CNGA1: variants seen among roughly 807,000 people sequenced by gnomAD.
The protein encoded by CNGA1 is cyclic nucleotide-gated channel alpha-1.
A neutral mutation model predicts 69.7 loss-of-function variants in CNGA1; 53 were observed. The observed-to-expected ratio is 0.76, with a 90% CI of 0.61 to 0.96. The LOEUF is 0.96. Ranked by LOEUF, CNGA1 falls within the 40% of genes least tolerant of loss-of-function variation. The pLI, the probability that CNGA1 is intolerant of heterozygous loss-of-function variation, is 0.00. For missense variants in CNGA1, 739 were observed against 811.2 expected, an observed-to-expected ratio of 0.91 and a Z score of 1.08; for synonymous variants, 249 against 283.5, an observed-to-expected ratio of 0.88 and a Z score of 1.22.
chr4:47,949,323 T>C (rs1001622897), intron 6 of CNGA1, among the ~76,000 whole-genome samples: 2 of 152,158 alleles, frequency 1.3e-5, no homozygotes, highest in Admixed American at 1.3e-4. Context: ...ATTACCTAAA[T>C]AGGGACAACT....
chr4:47,964,175 A>G (rs1740605131), intron 3 of CNGA1, among the ~76,000 whole-genome samples: 1 of 152,014 alleles, frequency 6.6e-6, no homozygotes, highest in African/African-American at 2.4e-5. Flanking sequence ...CCACATGCCA[A>G]CTCCCTGTTG....
chr4:47,949,317 C>T (rs1486124293), intron 6 of CNGA1, among the ~76,000 whole-genome samples: 1 of 152,178 alleles, frequency 6.6e-6, no homozygotes, highest in African/African-American at 2.4e-5. Flanking sequence ...AAGTCTATTA[C>T]CTAAATAGGG....
intron 2 of CNGA1, among the ~76,000 whole-genome samples, chr4:48,005,099 T>G (rs909122163): frequency 6.1e-5 from 8 of 130,718 alleles, no homozygotes; most frequent in South Asian, 2.8e-4. Flanking sequence ...ACTGATTTGC[T>G]TTTTTATTAT....
intron 1 of CNGA1, among the ~76,000 whole-genome samples, chr4:48,014,215 C>T (rs1332223988): frequency 1.3e-5 from 2 of 151,920 alleles, no homozygotes; most frequent in Non-Finnish European, 2.9e-5. Context: ...CATGATTTTG[C>T]GGGGGAATAA....
chr4:47,942,739 C>T (rs1739168258), intron 8 of CNGA1, among the ~76,000 whole-genome samples: 1 of 152,076 alleles, frequency 6.6e-6, no homozygotes, highest in African/African-American at 2.4e-5. Context: ...GAGCACAAAC[C>T]TTATTGTGAT....
intron 4 of CNGA1, among the ~76,000 whole-genome samples, chr4:47,951,860 C>T (rs56778417): frequency 0.013 from 1,950 of 152,272 alleles, 34 homozygotes; most frequent in African/African-American, 0.044. Flanking sequence ...CATTCATATA[C>T]ATTATATTCA....
rs1560617326 is a variant in CNGA1 at position 47,937,356 on chromosome 4, C to T, written c.1126G>A (p.Val376Ile). The T allele has an allele frequency of 1.2e-6, 2 of 1,613,986 alleles. No homozygotes were observed. The highest frequency in any genetic ancestry group is 2.7e-5 in the African/African-American group (2 of 74,916). The part of the protein sequence containing the change: ...VRDSEYVFVV[V>I]DFLIGVLIFA... ...ATTAACACTCCAATTAGGAAATCAA[C>T]CACCACAAAGACATACTCAGAATCC... The change falls in exon 11 of 11, where the codon GTT becomes ATT. Residue 376 changes from valine (V) to isoleucine (I), a missense_variant. Transcript: ENST00000514170.
rs939426519 is a variant in CNGA1 at position 47,937,162 on chromosome 4, G to A, written c.1320C>T (p.Asn440=). 4.3e-6 allele frequency: 7 copies of A among 1,613,790 alleles called. No homozygotes were observed. In the African/African-American group the frequency reaches 6.7e-5, roughly 15 times the overall value. The change falls in exon 11 of 11, where the codon AAC becomes AAT. Residue 440 remains asparagine (N), a synonymous_variant. Transcript: ENST00000514170. The part of the protein sequence containing the change: ...VIKWFDYLWT[N]KKTVDEKEVL... ...CTTCTTTCTCATCAACTGTTTTTTT[G>A]TTGGTCCACAGGTAGTCAAACCATT...
At chr4:47,974,966 C>T (rs1741274324) in intron 3 of CNGA1, among the ~76,000 whole-genome samples, 2 of 151,984 alleles carry the variant, frequency 1.3e-5, no homozygotes. Context: ...TAATAAGTCT[C>T]GATGGGGAGG....
chr4:48,003,002 G>A (rs1714732021), intron 2 of CNGA1, among the ~76,000 whole-genome samples: 1 of 152,144 alleles, frequency 6.6e-6, no homozygotes, highest in South Asian at 2.1e-4. Context: ...TCTGAGACAT[G>A]TCTCAGTTAA....
At chr4:48,011,849 A>G (rs769671565) in intron 1 of CNGA1, among the ~76,000 whole-genome samples, 1 of 152,224 alleles carries the variant, frequency 6.6e-6, no homozygotes, top group Non-Finnish European at 1.5e-5. Context: ...GAATGTTCGG[A>G]TTAAGATAAA....
chr4:47,983,132 T>C (rs1286002596), intron 2 of CNGA1, among the ~76,000 whole-genome samples: 1 of 152,222 alleles, frequency 6.6e-6, no homozygotes, highest in African/African-American at 2.4e-5. Flanking sequence ...CTCTTCATTA[T>C]GTACCTCTGT....
chr4:47,984,282 A>G (rs1232980820), intron 2 of CNGA1, among the ~76,000 whole-genome samples: 1 of 152,148 alleles, frequency 6.6e-6, no homozygotes. Context: ...CTGCATACAA[A>G]TGCAAAATTT....
rs774652982 is a variant in CNGA1, at chr4:47,937,035, G to A, written c.1447C>T (p.Leu483=). 3.5e-5 allele frequency: 56 copies of A among 1,613,958 alleles called. No homozygotes were observed. Among genetic ancestry groups the A allele is most frequent in the Non-Finnish European group, 4.3e-5 (51 of 1,180,028 alleles). Residue 483 remains leucine (L), a synonymous_variant, in exon 11 of 11, where the codon CTG becomes TTG. Transcript: ENST00000514170. ...AATTTCAAGACCAACTCCACCAACAGACCAGCTTCACAATCAGCAAAAATG... is the reference window on the plus strand; with the variant it reads ...AATTTCAAGACCAACTCCACCAACAAACCAGCTTCACAATCAGCAAAAATG... ...VRIFADCEAG[L]LVELVLKLQP... is the part of the protein sequence containing the mutation.
intron 3 of CNGA1, among the ~76,000 whole-genome samples, chr4:47,976,819 G>A (rs1741443902): frequency 6.6e-6 from 1 of 152,180 alleles, no homozygotes; most frequent in African/African-American, 2.4e-5. Flanking sequence ...AGAAAGAAAA[G>A]AAAATAGAAT....
At chr4:47,989,445 T>C (rs1247743950) in intron 2 of CNGA1, among the ~76,000 whole-genome samples, 1 of 151,988 alleles carries the variant, frequency 6.6e-6, no homozygotes, top group African/African-American at 2.4e-5. Context: ...CCTCTGGGAG[T>C]TGTACACTTA....
chr4:47,964,203 C>G (rs1364759804), intron 3 of CNGA1, among the ~76,000 whole-genome samples: 102 of 152,276 alleles, frequency 6.7e-4, no homozygotes, highest in Non-Finnish European at 1.5e-5. Context: ...TGAACACTCT[C>G]TTTGGAGACC....
chr4:48,003,727 A>C (rs2109348683), intron 2 of CNGA1, among the ~76,000 whole-genome samples: 1 of 152,306 alleles, frequency 6.6e-6, no homozygotes, highest in East Asian at 1.9e-4. Context: ...ACCAGAAGAC[A>C]AGAGTGTGAA....
intron 2 of CNGA1, among the ~76,000 whole-genome samples, chr4:47,995,637 T>A (rs757876191): frequency 5.7e-4 from 87 of 152,136 alleles, no homozygotes; most frequent in Admixed American, 9.8e-4. Flanking sequence ...CCTGAATTCA[T>A]TTTCAGGTAA....
Sources: gnomAD v4.1 joint callset for allele counts (sites outside exome capture counted in the v4.1 genomes callset) on GRCh38, gnomAD v4.1.1 for gene constraint, MANE v1.5 for transcripts, NCBI Gene and HGNC (gene_info 2026-07-23, HGNC 2026-07-21) for gene names.